The following EFCAB6 variants were observed in gnomAD, a reference collection of about 807,000 sequenced individuals.
EFCAB6 encodes the protein EF-hand calcium-binding domain-containing protein 6.
EFCAB6 carries 156 observed loss-of-function variants against 169.8 expected under a neutral mutation model. That is an observed-to-expected ratio of 0.92 (90% CI 0.81 to 1.05). EFCAB6 has a LOEUF of 1.05. Among genes scored for constraint, EFCAB6 ranks in the 50% least tolerant of loss-of-function variants. The pLI, the probability that EFCAB6 is intolerant of heterozygous loss-of-function variation, is 0.00. For synonymous variants in EFCAB6, 698 were observed against 676.4 expected, an observed-to-expected ratio of 1.03 and a Z score of -0.50; for missense variants, 1,800 against 1,829.1, an observed-to-expected ratio of 0.98 and a Z score of 0.29.
At chr22:43,762,594 GA>G (rs1180870503) in intron 5 of EFCAB6, among the ~76,000 whole-genome samples, 1 of 152,180 alleles carries the variant, frequency 6.6e-6, no homozygotes, top group East Asian at 1.9e-4. Flanking sequence ...GCTAGAAAAA[GA>G]AGTCTCTGTT....
chr22:43,619,854 A>C (rs6006511), intron 20 of EFCAB6, among the ~76,000 whole-genome samples: 16,926 of 151,766 alleles, frequency 0.11, 999 homozygotes, highest in Admixed American at 0.12. Context: ...AAATGCCATA[A>C]ATTTGGCATA....
intron 25 of EFCAB6, among the ~76,000 whole-genome samples, chr22:43,576,827 G>C (rs1198240185): frequency 6.6e-6 from 1 of 152,212 alleles, no homozygotes; most frequent in Non-Finnish European, 1.5e-5. Flanking sequence ...CTGTTTTACA[G>C]AGCAGAGCAG....
At chr22:43,542,892 G>A (rs137960153) in intron 27 of EFCAB6, among the ~76,000 whole-genome samples, 170 of 152,304 alleles carry the variant, frequency 1.1e-3, no homozygotes, top group African/African-American at 3.8e-3. Flanking sequence ...CTGTGAAAGC[G>A]TCAAAAGCAA....
At chr22:43,732,704 T>C (rs2059999394) in intron 7 of EFCAB6, among the ~76,000 whole-genome samples, 1 of 152,108 alleles carries the variant, frequency 6.6e-6, no homozygotes, top group African/African-American at 2.4e-5. Flanking sequence ...TGGCCTCAAG[T>C]GATCTGCTCA....
chr22:43,696,449 T>G (rs1357663462), intron 10 of EFCAB6, among the ~76,000 whole-genome samples: 1 of 152,172 alleles, frequency 6.6e-6, no homozygotes, highest in Non-Finnish European at 1.5e-5. Flanking sequence ...ATTAGACATG[T>G]ACTCACAAGA....
chr22:43,669,620 G>A (rs776327592), intron 15 of EFCAB6, among the ~76,000 whole-genome samples: 3 of 152,210 alleles, frequency 2.0e-5, no homozygotes, highest in Non-Finnish European at 2.9e-5. Context: ...TTGGGGTGGC[G>A]AAAATATTTG....
chr22:43,809,603 T>G (rs2063035943), intron 1 of EFCAB6, among the ~76,000 whole-genome samples: 1 of 152,192 alleles, frequency 6.6e-6, no homozygotes, highest in Admixed American at 6.5e-5. Flanking sequence ...TTTTTTTGTT[T>G]GGTTTTGGTT....
At chr22:43,750,381 AT>A (rs1387044798) in intron 6 of EFCAB6, among the ~76,000 whole-genome samples, 3 of 152,230 alleles carry the variant, frequency 2.0e-5, no homozygotes, top group Non-Finnish European at 4.4e-5. Flanking sequence ...GACATTATTA[AT>A]CACTATATTC....
intron 19 of EFCAB6, among the ~76,000 whole-genome samples, chr22:43,631,188 T>C (rs147012368): frequency 2.3e-3 from 356 of 151,694 alleles, no homozygotes; most frequent in Non-Finnish European, 3.9e-3. Context: ...CCTCTGGATG[T>C]GTTCCCTCCA....
At chr22:43,757,523 GACA>G (rs1360685109) in intron 5 of EFCAB6, among the ~76,000 whole-genome samples, 1 of 152,164 alleles carries the variant, frequency 6.6e-6, no homozygotes, top group Admixed American at 6.5e-5. Flanking sequence ...CTCCAACCCG[GACA>G]ACAACAGCGA....
chr22:43,762,321 C>T (rs1043124955), intron 5 of EFCAB6, among the ~76,000 whole-genome samples: 1 of 152,254 alleles, frequency 6.6e-6, no homozygotes, highest in Admixed American at 6.5e-5. Flanking sequence ...CTTGGGAAGG[C>T]CTTCTAGGCT....
At chr22:43,674,084 A>G (rs540244456) in intron 13 of EFCAB6, among the ~76,000 whole-genome samples, 1 of 152,306 alleles carries the variant, frequency 6.6e-6, no homozygotes, top group South Asian at 2.1e-4. Context: ...CAGTTTTTGA[A>G]TATCAATTAC....
intron 27 of EFCAB6, among the ~76,000 whole-genome samples, chr22:43,550,926 C>T (rs955780951): frequency 1.3e-5 from 2 of 152,058 alleles, no homozygotes; most frequent in African/African-American, 2.4e-5. Flanking sequence ...TCTCCTTTCC[C>T]GAAAGGTTAA....
chr22:43,758,126 C>A (rs982392564), intron 5 of EFCAB6, among the ~76,000 whole-genome samples: 7 of 146,938 alleles, frequency 4.8e-5, no homozygotes, highest in Non-Finnish European at 1.1e-4. Context: ...CATAATTTTT[C>A]TATCCTTTTT....
chr22:43,643,367 C>A (rs2055931451), intron 17 of EFCAB6, among the ~76,000 whole-genome samples: 2 of 152,264 alleles, frequency 1.3e-5, no homozygotes, highest in Non-Finnish European at 2.9e-5. Flanking sequence ...ATAGACTCAG[C>A]ACTGGAAGAA....
chr22:43,546,126 C>A (rs993914595), intron 27 of EFCAB6, among the ~76,000 whole-genome samples: 1 of 152,184 alleles, frequency 6.6e-6, no homozygotes, highest in Non-Finnish European at 1.5e-5. Context: ...AAGGAGTAAA[C>A]ACTGGTATTA....
chr22:43,618,844 A>G (rs756597257), intron 20 of EFCAB6, among the ~76,000 whole-genome samples: 33 of 152,324 alleles, frequency 2.2e-4, no homozygotes, highest in Non-Finnish European at 4.3e-4. Context: ...TCTAACCAGA[A>G]AAAATGGGAA....
intron 5 of EFCAB6, among the ~76,000 whole-genome samples, chr22:43,764,337 T>C (rs911770835): frequency 6.6e-6 from 1 of 152,216 alleles, no homozygotes. Flanking sequence ...ATTTGCTTAG[T>C]ATAATGGCCT....
chr22:43,580,646 G>A lies in EFCAB6; in HGVS notation c.3046C>T (p.Arg1016Trp), dbSNP rs779118518. The change falls in exon 25 of 32, where the codon CGG (arginine) becomes TGG (tryptophan). Residue 1016 changes from arginine to tryptophan, a missense_variant. Arg to Trp is a moderately radical substitution (Grantham distance 101, BLOSUM62 -3). Transcript: ENST00000262726. ...AGGTAATTGATAGCATTATCATGCC[G>A]GCTGACTCCCCAACTTGTCCCAAAA... ...THLLNSWGVS[R>W]HDNAINYLDF... The A allele has an allele frequency of 1.5e-5, 25 of 1,613,742 alleles. No individual in the cohort carries two copies. Among genetic ancestry groups the A allele is most frequent in the Non-Finnish European group, 1.8e-5 (21 of 1,179,962 alleles).
Sources: gnomAD v4.1 joint callset for allele counts (sites outside exome capture counted in the v4.1 genomes callset) on GRCh38, gnomAD v4.1.1 for gene constraint, MANE v1.5 for transcripts, NCBI Gene and HGNC (gene_info 2026-07-23, HGNC 2026-07-21) for gene names.